The following SEPTIN2 variants were observed in gnomAD, a reference collection of about 807,000 sequenced individuals.
SEPTIN2 encodes the protein septin-2.
SEPTIN2 carries 34 observed loss-of-function variants against 46.5 expected under a neutral mutation model. The observed-to-expected ratio is 0.73, with a 90% confidence interval of 0.56 to 0.97. SEPTIN2 has a LOEUF of 0.97. SEPTIN2 is among the 50% of genes least tolerant of loss of function. The probability of loss-of-function intolerance (pLI) is 0.00; values close to 1 mark genes in which losing one functional copy is unlikely to be tolerated. For synonymous variants in SEPTIN2, 175 were observed against 153.4 expected (o/e 1.14, Z -1.04); for missense variants, 347 against 448.4 (o/e 0.77, Z 2.04).
intron 6 of SEPTIN2, 25 bp from the exon 7 acceptor site, chr2:241,337,648 G>T: frequency 6.3e-7 from 1 of 1,590,056 alleles, no homozygotes; most frequent in Non-Finnish European, 8.6e-7. Context: ...TTTTAAATAA[G>T]TGACAATTCT....
chr2:241,318,489 G>T (rs888253926), intron 1 of SEPTIN2: 1 of 152,068 alleles, frequency 6.6e-6, no homozygotes, highest in African/African-American at 2.4e-5. Flanking sequence ...TACTCATTTG[G>T]GGAAAATAAA....
intron 1 of SEPTIN2, chr2:241,316,794 T>C (rs2076370660): frequency 5.2e-6 from 2 of 383,084 alleles, no homozygotes; most frequent in South Asian, 7.6e-5. Context: ...CTTCTTGTAG[T>C]TCAAACTTCT....
chr2:241,332,372 G>C (rs2079139510), intron 3 of SEPTIN2, among the ~76,000 whole-genome samples: 1 of 152,168 alleles, frequency 6.6e-6, no homozygotes, highest in African/African-American at 2.4e-5. Context: ...GATCTGAATA[G>C]ACATTTCACT....
At chr2:241,350,013 A>T (rs2150224436) in intron 11 of SEPTIN2, 60 bp from the exon 12 acceptor site, 1 of 1,526,408 alleles carries the variant, frequency 6.6e-7, no homozygotes, top group East Asian at 2.4e-5. Context: ...CAGAACACCC[A>T]GAAATAATGT....
At position 241,333,276 on chromosome 2, in the gene SEPTIN2, C is replaced by T. The variant is rs201837305; in HGVS notation, c.131-1850C>T. Among the ~76,000 whole-genome samples, 23 of 152,148 alleles carry T rather than the reference C, an allele frequency of 1.5e-4. 1 individual carries two copies. The highest frequency in any genetic ancestry group is 1.4e-3 in the East Asian group (7 of 5,178). On this transcript the variant is annotated intron_variant, in intron 3 of 12. Coordinates refer to ENST00000391971, the MANE Select transcript of SEPTIN2 (RefSeq NM_004404.5). ...ACACACCTAATTAGTAAATGAGAGA[C>T]TATTGAAGAGGAAAGGCAGTTTTTA...
Position 241,353,072 on chromosome 2 carries a change from T to C in SEPTIN2, c.*1135T>C, listed in dbSNP as rs537574417. The C allele has an allele frequency of 9.2e-5, 14 of 152,348 alleles. No homozygotes were observed. The highest frequency in any genetic ancestry group is 3.4e-4 in the African/African-American group (14 of 41,594). 9.4% of individuals were successfully genotyped at this position (152,348 alleles called of 1,614,324 possible). On this transcript the variant is annotated 3_prime_UTR_variant, in exon 13 of 13. Transcript: ENST00000391971. ...CCTGATTTGAGTTTCCTTTAAATACTCCCTTTTTGAGTAATTTTCTGATGG... is the reference window on the plus strand; with the variant it reads ...CCTGATTTGAGTTTCCTTTAAATACCCCCTTTTTGAGTAATTTTCTGATGG...
At position 241,332,050 on chromosome 2, in the gene SEPTIN2, A is replaced by G. The variant is rs532390019; in HGVS notation, c.131-3076A>G. 2.6e-5 allele frequency among the ~76,000 whole-genome samples: 4 copies of G among 152,376 alleles called. No individual in the cohort carries two copies. The East Asian group carries it at 5.8e-4, about 22-fold the overall frequency. ...AAATGAACTTCAACTCCTGCTTCAC[A>G]CTGTATATCACAACCTGAAATTATA... On this transcript the variant is annotated intron_variant, in intron 3 of 12. Coordinates refer to ENST00000391971, the MANE Select transcript of SEPTIN2 (RefSeq NM_004404.5).
chr2:241,342,803 T>C (rs1408184800), intron 7 of SEPTIN2, among the ~76,000 whole-genome samples, 189 bp from the exon 8 acceptor site: 2 of 152,154 alleles, frequency 1.3e-5, no homozygotes, highest in Non-Finnish European at 2.9e-5. Context: ...CCCAAAGTGC[T>C]GGGATTACAG....
At chr2:241,337,557 G>T (rs752495668) in intron 6 of SEPTIN2, 41 bp downstream of exon 6, 1 of 1,604,838 alleles carries the variant, frequency 6.2e-7, no homozygotes, top group Admixed American at 1.7e-5. Flanking sequence ...TTACTACATG[G>T]GTTTGTAAGT....
intron 12 of SEPTIN2, 86 bp downstream of exon 12, chr2:241,350,289 C>T: frequency 1.5e-6 from 1 of 668,958 alleles, no homozygotes; most frequent in Non-Finnish European, 2.3e-6. Context: ...CCTTAAGCCT[C>T]ATTAATATTT....
intron 3 of SEPTIN2, among the ~76,000 whole-genome samples, chr2:241,331,391 C>G (rs1482561518): frequency 6.6e-6 from 1 of 152,126 alleles, no homozygotes; most frequent in East Asian, 1.9e-4. Flanking sequence ...TGCCCTTTCT[C>G]CCCCAAATTG....
intron 1 of SEPTIN2, among the ~76,000 whole-genome samples, chr2:241,321,249 TA>T (rs1214894941): frequency 6.6e-6 from 1 of 152,186 alleles, no homozygotes; most frequent in African/African-American, 2.4e-5. Flanking sequence ...AGAACTCTAT[TA>T]AAGTTTCTCA....
intron 9 of SEPTIN2, among the ~76,000 whole-genome samples, chr2:241,344,397 T>C (rs2081696480): frequency 2.0e-5 from 3 of 152,188 alleles, no homozygotes; most frequent in South Asian, 4.1e-4. Context: ...AAAATAGTCT[T>C]CTTTAAAAAT....
At chr2:241,324,123 C>T in intron 1 of SEPTIN2, 93 bp from the exon 2 acceptor site, 1 of 1,177,856 alleles carries the variant, frequency 8.5e-7, no homozygotes, top group Non-Finnish European at 1.2e-6. Flanking sequence ...TGTAAGTCTT[C>T]TTCAGGTCAG....
intron 8 of SEPTIN2, 119 bp from the exon 9 acceptor site, chr2:241,343,633 T>G (rs2081563556): frequency 8.9e-7 from 1 of 1,121,986 alleles, no homozygotes; most frequent in Non-Finnish European, 1.3e-6. Flanking sequence ...ACCCCCAGCT[T>G]TCCAATTCAG....
chr2:241,338,732 ATT>A (rs1449568734), intron 7 of SEPTIN2, among the ~76,000 whole-genome samples: 4 of 83,404 alleles, frequency 4.8e-5, no homozygotes, highest in East Asian at 4.0e-4. Context: ...TATTATATAT[ATT>A]ATATTATTTA....
At chr2:241,335,867 C>T (rs1489321869) in intron 4 of SEPTIN2, 108 bp from the exon 5 acceptor site, 4 of 1,398,504 alleles carry the variant, frequency 2.9e-6, no homozygotes, top group Non-Finnish European at 4.0e-6. Context: ...CTTTGGAGAA[C>T]CTACCTCTGT....
chr2:241,344,108 G>A (rs932378135), intron 9 of SEPTIN2, among the ~76,000 whole-genome samples: 5 of 152,128 alleles, frequency 3.3e-5, no homozygotes, highest in African/African-American at 9.7e-5. Context: ...CTAAACTAGC[G>A]CTTCTGCCTG....
intron 1 of SEPTIN2, chr2:241,316,822 C>A (rs1047463102): frequency 3.0e-6 from 1 of 335,278 alleles, no homozygotes; most frequent in Non-Finnish European, 5.4e-6. Flanking sequence ...TGGCCATTGC[C>A]CAAACTCTTA....
Sources: gnomAD v4.1 joint callset for allele counts (sites outside exome capture counted in the v4.1 genomes callset) on GRCh38, gnomAD v4.1.1 for gene constraint, MANE v1.5 for transcripts, NCBI Gene and HGNC (gene_info 2026-07-23, HGNC 2026-07-21) for gene names.